The following PCSK2 variants were observed in gnomAD, a reference collection of about 807,000 sequenced individuals.
PCSK2 encodes neuroendocrine convertase 2.
PCSK2 carries 14 observed loss-of-function variants against 69.7 expected under a neutral mutation model. The ratio of observed to expected loss-of-function variants is 0.20; its 90% confidence interval spans 0.13 to 0.31. The LOEUF (loss-of-function observed/expected upper bound fraction) is 0.31, where lower values mean the gene tolerates loss of function less well. PCSK2 is among the 10% of genes least tolerant of loss of function. The probability of loss-of-function intolerance (pLI) is 1.00; values close to 1 mark genes in which losing one functional copy is unlikely to be tolerated. For synonymous variants in PCSK2, 307 were observed against 320.7 expected (o/e 0.96, Z 0.46); for missense variants, 544 against 842.5 (o/e 0.65, Z 4.39).
chr20:17,347,354 C>T (rs1202983789), intron 2 of PCSK2, among the ~76,000 whole-genome samples: 1 of 152,170 alleles, frequency 6.6e-6, no homozygotes, highest in Non-Finnish European at 1.5e-5. Context: ...TCTCCAGATC[C>T]CTGTTTGGAT....
intron 2 of PCSK2, among the ~76,000 whole-genome samples, chr20:17,335,444 T>TGTGTGTGTGTGC (rs1203481047): frequency 6.6e-6 from 1 of 151,902 alleles, no homozygotes; most frequent in Non-Finnish European, 1.5e-5. Context: ...TGTGTGTGTG[T>TGTGTGTGTGTGC]GTGTGTGTGT....
intron 2 of PCSK2, among the ~76,000 whole-genome samples, chr20:17,310,041 C>T (rs1394698149): frequency 6.6e-6 from 1 of 151,762 alleles, no homozygotes. Context: ...TGGCGGAAGG[C>T]AAAGGGGGAG....
chr20:17,411,250 G>A (rs1474158663), intron 6 of PCSK2, among the ~76,000 whole-genome samples: 1 of 152,188 alleles, frequency 6.6e-6, no homozygotes, highest in Non-Finnish European at 1.5e-5. Flanking sequence ...TGGGTGCAAG[G>A]GGTCGGAGGA....
chr20:17,465,589 A>G (rs759728303), intron 11 of PCSK2, 36 bp downstream of exon 11: 4 of 1,339,030 alleles, frequency 3.0e-6, no homozygotes, highest in Non-Finnish European at 4.2e-6. Context: ...CTGCATGTGG[A>G]AAGTGCCCCT....
chr20:17,309,764 G>A (rs1186501470), intron 2 of PCSK2, among the ~76,000 whole-genome samples: 1 of 151,940 alleles, frequency 6.6e-6, no homozygotes, highest in Non-Finnish European at 1.5e-5. Context: ...GTTGCAGTGA[G>A]CCAATATCAT....
chr20:17,333,606 A>G (rs989213398), intron 2 of PCSK2, among the ~76,000 whole-genome samples: 6 of 151,938 alleles, frequency 3.9e-5, no homozygotes, highest in Non-Finnish European at 5.9e-5. Flanking sequence ...CTCTGACATT[A>G]TTGTCTGTCC....
intron 2 of PCSK2, among the ~76,000 whole-genome samples, chr20:17,353,430 A>C (rs1405383218): frequency 2.0e-5 from 3 of 147,770 alleles, no homozygotes; most frequent in Non-Finnish European, 4.4e-5. Flanking sequence ...ATGCCACTGC[A>C]TTCCAGCCTG....
rs149724445 is a variant in PCSK2 at position 17,460,834 on chromosome 20, T to C, written c.1202+4386T>C. The stretch of plus-strand genomic sequence containing the variant: ...ATGTGATATATGTTATCATTAATAA[T>C]AATAAAGTCTTTTTATTCAGTGTCC... On this transcript the variant is annotated intron_variant, in intron 10 of 11. Coordinates refer to ENST00000262545, the MANE Select transcript of PCSK2 (RefSeq NM_002594.5). Among the ~76,000 whole-genome samples, 686 of 152,374 alleles carry C rather than the reference T, an allele frequency of 4.5e-3. 8 individuals carry two copies. Among genetic ancestry groups the C allele is most frequent in the African/African-American group, 0.016 (648 of 41,590 alleles).
intron 2 of PCSK2, among the ~76,000 whole-genome samples, chr20:17,288,771 A>G (rs1988602291): frequency 6.6e-6 from 1 of 152,196 alleles, no homozygotes; most frequent in Admixed American, 6.5e-5. Context: ...AACCCAGATG[A>G]CACCTTGATC....
intron 2 of PCSK2, among the ~76,000 whole-genome samples, chr20:17,292,192 T>C (rs1988720758): frequency 6.6e-6 from 1 of 152,164 alleles, no homozygotes; most frequent in Admixed American, 6.5e-5. Flanking sequence ...CAAAATCAAA[T>C]ACATATTACC....
Position 17,358,001 on chromosome 20 carries a change from G to C in PCSK2, c.283-326G>C, listed in dbSNP as rs905810138. On this transcript the variant is annotated intron_variant, in intron 2 of 11. Coordinates refer to ENST00000262545, the MANE Select transcript of PCSK2 (RefSeq NM_002594.5). ...CTGTTCAGTGCAACCATAAGTAAAT[G>C]CTCTCATAAAATAATGGTAACGGGT... Among the ~76,000 whole-genome samples the C allele has an allele frequency of 1.3e-5, 2 of 151,824 alleles. 1 individual carries two copies. Among genetic ancestry groups the C allele is most frequent in the African/African-American group, 4.8e-5 (2 of 41,360 alleles).
chr20:17,348,086 A>AGAAAGAAAGAAAGAAT (rs1990745515), intron 2 of PCSK2, among the ~76,000 whole-genome samples: 1 of 141,536 alleles, frequency 7.1e-6, no homozygotes, highest in African/African-American at 2.6e-5. Flanking sequence ...AAAGAAAGAA[A>AGAAAGAAAGAAAGAAT]GAAAGAAAGA....
chr20:17,474,475 C>G (rs1004879637), intron 11 of PCSK2, among the ~76,000 whole-genome samples: 1 of 152,184 alleles, frequency 6.6e-6, no homozygotes, highest in Admixed American at 6.6e-5. Context: ...TCCATCTCTC[C>G]CTTGCACCCT....
At chr20:17,251,117 A>C (rs1487856681) in intron 1 of PCSK2, among the ~76,000 whole-genome samples, 1 of 152,110 alleles carries the variant, frequency 6.6e-6, no homozygotes, top group Non-Finnish European at 1.5e-5. Context: ...GTAAAAAAAA[A>C]ATTATCAGAT....
intron 2 of PCSK2, among the ~76,000 whole-genome samples, chr20:17,348,450 C>T (rs887419460): frequency 1.2e-4 from 19 of 152,292 alleles, no homozygotes; most frequent in African/African-American, 4.6e-4. Context: ...GGGCCAGGTG[C>T]TTATATGCAC....
chr20:17,470,819 T>C (rs371911285), intron 11 of PCSK2, among the ~76,000 whole-genome samples: 20 of 152,286 alleles, frequency 1.3e-4, no homozygotes, highest in African/African-American at 4.3e-4. Flanking sequence ...AGACTTACGA[T>C]GTCTGTGCCT....
intron 5 of PCSK2, among the ~76,000 whole-genome samples, chr20:17,390,597 T>A (rs1055228746): frequency 5.9e-5 from 9 of 152,180 alleles, no homozygotes; most frequent in African/African-American, 2.2e-4. Flanking sequence ...AGATGATAGA[T>A]GTCAGGGCAC....
chr20:17,440,862 C>CAA (rs3076117), intron 8 of PCSK2, among the ~76,000 whole-genome samples: 5 of 122,868 alleles, frequency 4.1e-5, no homozygotes, highest in Admixed American at 8.4e-5. Flanking sequence ...AACTCTATCT[C>CAA]AAAAAAAAAA....
At chr20:17,294,407 G>A (rs980715094) in intron 2 of PCSK2, among the ~76,000 whole-genome samples, 12 of 152,300 alleles carry the variant, frequency 7.9e-5, no homozygotes, top group Middle Eastern at 3.4e-3. Context: ...CGCCCGGCCT[G>A]CAGTCCTCAT....
Sources: allele counts gnomAD v4.1 joint callset (sites outside exome capture counted in the v4.1 genomes callset), GRCh38; gene constraint gnomAD v4.1.1; transcripts MANE v1.5; gene names NCBI Gene and HGNC (gene_info 2026-07-23, HGNC 2026-07-21).